Variants in IL36B observed in about 807,000 individuals in gnomAD.
IL36B encodes the protein interleukin-36 beta.
A neutral mutation model predicts 19.3 loss-of-function variants in IL36B; 23 were observed. That is an observed-to-expected ratio of 1.19 (90% CI 0.86 to 1.69). The LOEUF is 1.69. Ranked by LOEUF, IL36B falls within the 40% of genes most tolerant of loss-of-function variation. The pLI, the probability that IL36B is intolerant of heterozygous loss-of-function variation, is 0.00. For missense variants in IL36B, 217 were observed against 200.5 expected (o/e 1.08, Z -0.50); for synonymous variants, 59 against 59.7 (o/e 0.99, Z 0.05).
At chr2:113,051,112 CT>C (rs1332252452) in intron 1 of IL36B, among the ~76,000 whole-genome samples, 1 of 152,230 alleles carries the variant, frequency 6.6e-6, no homozygotes, top group African/African-American at 2.4e-5. Flanking sequence ...AGAGCGCCCC[CT>C]GCCGGTAGAT....
At position 113,026,248 on chromosome 2, in the gene IL36B, G is replaced by C. The variant is rs1358329582; in HGVS notation, c.262-16C>G. 1 of 1,613,086 alleles carries C rather than the reference G, an allele frequency of 6.2e-7. No individual in the cohort carries two copies. Among genetic ancestry groups the C allele is most frequent in the Non-Finnish European group, 8.5e-7 (1 of 1,179,430 alleles). Reference sequence around the variant, plus strand: ...AGCCCTGAAGCTGGAAGAGAGAAATGTTCAATGTTGCTGAGATAATACACT... The same window carrying C: ...AGCCCTGAAGCTGGAAGAGAGAAATCTTCAATGTTGCTGAGATAATACACT... On this transcript the variant is annotated splice_polypyrimidine_tract_variant and intron_variant, in intron 4 of 5. Transcript: ENST00000259213.
At position 113,036,499 on chromosome 2, in the gene IL36B, G is replaced by A. The variant is rs72944581; in HGVS notation, c.-57-4733C>T. ...AAAAACCAAATATCTGATGAATGCA[G>A]CTGAGGGCATCCAACCCTTGATATG... On this transcript the variant is annotated intron_variant, in intron 1 of 5. Coordinates refer to ENST00000259213, the MANE Select transcript of IL36B (RefSeq NM_014438.5). Among the ~76,000 whole-genome samples the A allele has an allele frequency of 7.0e-3, 1,059 of 152,176 alleles. 15 individuals are homozygous for A. The highest frequency in any genetic ancestry group is 0.024 in the African/African-American group (1,012 of 41,506).
chr2:113,047,117 A>G (rs138570520), intron 1 of IL36B, among the ~76,000 whole-genome samples: 60 of 152,314 alleles, frequency 3.9e-4, no homozygotes, highest in Non-Finnish European at 1.0e-4. Flanking sequence ...AGCTTTGGCC[A>G]TTGGAAGCAC....
chr2:113,045,150 CT>C (rs2105055796), intron 1 of IL36B, among the ~76,000 whole-genome samples: 1 of 152,112 alleles, frequency 6.6e-6, no homozygotes, highest in African/African-American at 2.4e-5. Flanking sequence ...TATTAAAATT[CT>C]TATTTCCATA....
intron 1 of IL36B, among the ~76,000 whole-genome samples, chr2:113,036,667 G>A (rs1245152800): frequency 3.3e-5 from 5 of 152,122 alleles, no homozygotes; most frequent in African/African-American, 9.7e-5. Context: ...TTAATTCCTG[G>A]ATAGGCCAAA....
chr2:113,025,136 G>A (rs1684933562), intron 5 of IL36B, among the ~76,000 whole-genome samples: 1 of 152,180 alleles, frequency 6.6e-6, no homozygotes. Context: ...GGATACCCTT[G>A]GTTATGTTTC....
chr2:113,042,979 C>G (rs185861413), intron 1 of IL36B, among the ~76,000 whole-genome samples: 1 of 152,058 alleles, frequency 6.6e-6, no homozygotes, highest in Non-Finnish European at 1.5e-5. Flanking sequence ...AATAGGTAAG[C>G]AATACTAATA....
At chr2:113,036,612 T>C (rs1397831243) in intron 1 of IL36B, among the ~76,000 whole-genome samples, 1 of 152,220 alleles carries the variant, frequency 6.6e-6, no homozygotes. Flanking sequence ...GAATTTCCTC[T>C]TCCTGCCCCC....
chr2:113,026,625 C>T (rs1684967024), intron 4 of IL36B, among the ~76,000 whole-genome samples: 1 of 152,134 alleles, frequency 6.6e-6, no homozygotes, highest in African/African-American at 2.4e-5. Context: ...GATTATATTA[C>T]AAACTTTAAT....
At chr2:113,028,069 G>A (rs1443271098) in intron 4 of IL36B, 2 of 1,613,900 alleles carry the variant, frequency 1.2e-6, no homozygotes, top group East Asian at 2.2e-5. Context: ...AAAGAGAAAG[G>A]GCTTCTGTGC....
chr2:113,045,625 T>C (rs1685335138), intron 1 of IL36B, among the ~76,000 whole-genome samples: 2 of 152,208 alleles, frequency 1.3e-5, no homozygotes, highest in Admixed American at 1.3e-4. Flanking sequence ...CATATATCAC[T>C]GATTCTCTGT....
At position 113,028,253 on chromosome 2, in the gene IL36B, C is replaced by T. The variant is rs184119089; in HGVS notation, c.261+686G>A. ...AGGCTAGGGACAAAGGCAGATGAAG[C>T]AGGGCATTAGAGTGTTAAAAACGGG... On this transcript the variant is annotated intron_variant, in intron 4 of 5. Transcript: ENST00000259213. The T allele has an allele frequency of 5.6e-4, 385 of 693,338 alleles. 3 individuals carry two copies. The highest frequency in any genetic ancestry group is 7.7e-4 in the Non-Finnish European group (314 of 408,468). 42.9% of individuals were successfully genotyped at this position (693,338 alleles called of 1,614,324 possible).
chr2:113,031,056 A>G lies in IL36B; in HGVS notation c.113T>C (p.Ile38Thr). ...GTTTGATTGTCACTCACCAGGCTTA[A>G]TGCTGCGGCTAAGAGGAGCTGCTAT... Residue 38 changes from isoleucine (I) to threonine (T), a missense_variant, in exon 3 of 6, where the codon ATT (isoleucine) becomes ACT (threonine). Transcript: ENST00000259213. 6.2e-7 allele frequency: 1 copy of G among 1,609,442 alleles called. No individual in the cohort carries two copies. The highest frequency in any genetic ancestry group is 8.5e-7 in the Non-Finnish European group (1 of 1,175,776).
intron 1 of IL36B, among the ~76,000 whole-genome samples, chr2:113,045,550 AT>A (rs1201099851): frequency 1.3e-5 from 2 of 152,202 alleles, no homozygotes; most frequent in Admixed American, 6.5e-5. Context: ...TTTGAAAAAA[AT>A]CTTTGTTCCC....
At chr2:113,026,491 GC>G (rs763569209) in intron 4 of IL36B, among the ~76,000 whole-genome samples, 1 of 152,190 alleles carries the variant, frequency 6.6e-6, no homozygotes, top group Non-Finnish European at 1.5e-5. Flanking sequence ...CAATATGCCT[GC>G]TTGTCATGTG....
intron 1 of IL36B, among the ~76,000 whole-genome samples, chr2:113,040,385 C>A (rs559359938): frequency 6.6e-6 from 1 of 152,088 alleles, no homozygotes; most frequent in Non-Finnish European, 1.5e-5. Context: ...TGTTCAACAT[C>A]GTATTTGAAG....
Position 113,038,437 on chromosome 2 carries a change from C to T in IL36B, c.-57-6671G>A, listed in dbSNP as rs577894896. 5.3e-5 allele frequency among the ~76,000 whole-genome samples: 8 copies of T among 152,328 alleles called. No individual in the cohort carries two copies. In the South Asian group the frequency reaches 1.2e-3, roughly 24 times the overall value. On this transcript the variant is annotated intron_variant, in intron 1 of 5. Transcript: ENST00000259213. ...AGTCTGAAATGGTTCTAGGTTTTTC[C>T]CATTTGCTTTCAGCAAATCTCTCCT...
intron 1 of IL36B, among the ~76,000 whole-genome samples, chr2:113,038,417 G>A (rs1479948329): frequency 6.6e-6 from 1 of 152,198 alleles, no homozygotes; most frequent in African/African-American, 2.4e-5. Flanking sequence ...TAGGAAGTCT[G>A]AAATGGTTCT....
In IL36B at chr2:113,022,514, G is replaced by A. The variant is rs942975896; in HGVS notation, c.*160C>T. ...CGACCTTCTCTAGCTTTACAGGTAA[G>A]ATTTACCAACTCTTTAAAAATACAT... On this transcript the variant is annotated 3_prime_UTR_variant, in exon 6 of 6. Transcript: ENST00000259213. 8.7e-6 allele frequency: 5 copies of A among 573,938 alleles called. No homozygotes were observed. The South Asian group carries it at 1.1e-4, about 12-fold the overall frequency. 35.6% of individuals were successfully genotyped at this position (573,938 alleles called of 1,614,324 possible).
Sources: gnomAD v4.1 joint callset for allele counts (sites outside exome capture counted in the v4.1 genomes callset) on GRCh38, gnomAD v4.1.1 for gene constraint, MANE v1.5 for transcripts, NCBI Gene and HGNC (gene_info 2026-07-23, HGNC 2026-07-21) for gene names.